Variants in NF1 observed in about 807,000 individuals in gnomAD.
NF1 encodes neurofibromin.
Under a neutral mutation model 325.7 loss-of-function variants are expected in NF1, and 122 were observed. The observed-to-expected ratio is 0.37, with a 90% confidence interval of 0.32 to 0.44. The LOEUF (loss-of-function observed/expected upper bound fraction) is 0.44. NF1 is among the 20% of genes least tolerant of loss of function. The pLI, the probability that NF1 is intolerant of heterozygous loss-of-function variation, is 1.00. For synonymous variants in NF1, 1,091 were observed against 1,186.0 expected, an observed-to-expected ratio of 0.92 and a Z score of 1.65; for missense variants, 2,140 against 3,415.4, an observed-to-expected ratio of 0.63 and a Z score of 9.31.
intron 36 of NF1, chr17:31,295,529 G>A: frequency 6.2e-7 from 1 of 1,614,084 alleles, no homozygotes. Flanking sequence ...AGAAGGTGTG[G>A]GATACATGTT....
rs1555615581 is a variant in NF1 at position 31,236,055 on chromosome 17, T to TTG, written c.3974+36_3974+37dup. On this transcript the variant is annotated intron_variant, in intron 29 of 57. Coordinates refer to ENST00000358273, the MANE Select transcript of NF1 (RefSeq NM_001042492.3). Reference sequence around the variant, plus strand: ...TCTTTTCACATAGAACCGCTGTTTTTTGTTTTTTTTTTTTTGTTTGTTTGT... The same window carrying TTG: ...TCTTTTCACATAGAACCGCTGTTTTTTGTGTTTTTTTTTTTTTGTTTGTTTGT... 413 of 1,152,932 alleles carry TTG rather than the reference T, an allele frequency of 3.6e-4. 1 individual carries two copies. Among genetic ancestry groups the TTG allele is most frequent in the African/African-American group, 2.9e-3 (56 of 19,020 alleles). The allele number at this position is 1,152,932 out of a possible 1,614,324, so 71.4% of individuals were successfully genotyped here.
At chr17:31,325,332 T>C (rs946346585) in intron 36 of NF1, among the ~76,000 whole-genome samples, 4 of 152,166 alleles carry the variant, frequency 2.6e-5, no homozygotes, top group Non-Finnish European at 5.9e-5. Flanking sequence ...GAAAGAAATA[T>C]CTCAAATCCC....
At position 31,095,379 on chromosome 17, in the gene NF1, C is replaced by T. The variant is rs1375725102; in HGVS notation, c.60+10C>T. 3 of 1,538,856 alleles carry T rather than the reference C, an allele frequency of 1.9e-6. No individual in the cohort carries two copies. In the South Asian group the frequency reaches 3.6e-5, roughly 18 times the overall value. ...CCGCTTCGACGAGCAGGTAACCGGC[C>T]CGTGGCGGGCGGGAGGTGGGAGCGG... On this transcript the variant is annotated intron_variant, in intron 1 of 57. Transcript: ENST00000358273.
At chr17:31,347,629 C>T (rs2070029266) in intron 48 of NF1, among the ~76,000 whole-genome samples, 1 of 148,342 alleles carries the variant, frequency 6.7e-6, no homozygotes. Flanking sequence ...TGACTGTCCC[C>T]AGTGAGTGTC....
At chr17:31,324,909 AT>A (rs1270893468) in intron 36 of NF1, among the ~76,000 whole-genome samples, 1 of 152,162 alleles carries the variant, frequency 6.6e-6, no homozygotes, top group Admixed American at 6.5e-5. Context: ...GTAAAGATTT[AT>A]TTTAACTTAC....
intron 57 of NF1, among the ~76,000 whole-genome samples, chr17:31,370,006 T>G (rs1031640534): frequency 6.7e-6 from 1 of 149,968 alleles, no homozygotes; most frequent in African/African-American, 2.4e-5. Context: ...ATTTTAATTG[T>G]TTTTTTTTAA....
chr17:31,095,613 CT>C (rs919430467), intron 1 of NF1, among the ~76,000 whole-genome samples: 59 of 152,174 alleles, frequency 3.9e-4, no homozygotes, highest in African/African-American at 1.3e-3. Context: ...GGCCTTGTCC[CT>C]GACCAGCCTC....
At chr17:31,128,942 A>G (rs1915119928) in intron 1 of NF1, among the ~76,000 whole-genome samples, 1 of 146,810 alleles carries the variant, frequency 6.8e-6, no homozygotes, top group African/African-American at 2.5e-5. Context: ...AAAAAAAAGG[A>G]ATGTTGAATA....
At chr17:31,320,975 C>T (rs2069171720) in intron 36 of NF1, 1 of 152,194 alleles carries the variant, frequency 6.6e-6, no homozygotes, top group Admixed American at 6.5e-5. Context: ...AGATAATAGG[C>T]CTGCTGTTGA....
In NF1 at chr17:31,227,219, A is replaced by G. The variant is rs1197284270; in HGVS notation, c.2253A>G (p.Gly751=). ...TGATTTGCTGTTGTATTTGCTTAGG[A>G]AGAGCAGCACTTCAGAAAAGAGTGA... The part of the protein sequence containing the change: ...FASVSNMMST[G]RAALQKRVMA... Residue 751 remains glycine (G), a splice_region_variant and synonymous_variant, in exon 19 of 58, where the codon GGA becomes GGG. Transcript: ENST00000358273. 6.2e-7 allele frequency: 1 copy of G among 1,613,614 alleles called. No homozygotes were observed. The highest frequency in any genetic ancestry group is 1.1e-5 in the South Asian group (1 of 91,072).
chr17:31,362,031 C>T (rs920293187), intron 57 of NF1, among the ~76,000 whole-genome samples: 96 of 152,118 alleles, frequency 6.3e-4, no homozygotes, highest in Admixed American at 1.5e-3. Context: ...AGTGTTTCTC[C>T]ACGTGTGATC....
intron 2 of NF1, 109 bp downstream of exon 2, chr17:31,156,235 T>C: frequency 7.8e-7 from 1 of 1,277,088 alleles, no homozygotes; most frequent in Non-Finnish European, 1.1e-6. Flanking sequence ...CTGTGGACTT[T>C]GGATATAACC....
chr17:31,373,255 A>C (rs998343091), intron 57 of NF1, among the ~76,000 whole-genome samples: 7 of 152,204 alleles, frequency 4.6e-5, no homozygotes, highest in African/African-American at 1.7e-4. Flanking sequence ...GAAGTGACAA[A>C]TTTGCTGGAA....
chr17:31,282,043 G>T (rs532167983), intron 36 of NF1, among the ~76,000 whole-genome samples: 2 of 151,266 alleles, frequency 1.3e-5, no homozygotes, highest in African/African-American at 4.9e-5. Context: ...CTGGACAATG[G>T]AGAGAGACCC....
rs770732860 is a variant in NF1 at position 31,374,569 on chromosome 17, T to C, written c.*414T>C. 16 of 339,560 alleles carry C rather than the reference T, an allele frequency of 4.7e-5. No homozygotes were observed. The highest frequency in any genetic ancestry group is 8.4e-4 in the Middle Eastern group (1 of 1,196). The allele number at this position is 339,560 out of a possible 1,614,324, so 21.0% of individuals were successfully genotyped here. The stretch of plus-strand genomic sequence containing the variant: ...TTCATCCTACAGAGTAAAGTGTTAG[T>C]CCTATTTATACATTTTTCAAGATAC... On this transcript the variant is annotated 3_prime_UTR_variant, in exon 58 of 58. Coordinates refer to ENST00000358273, the MANE Select transcript of NF1 (RefSeq NM_001042492.3).
At chr17:31,302,273 G>A (rs1446404158) in intron 36 of NF1, among the ~76,000 whole-genome samples, 1 of 152,106 alleles carries the variant, frequency 6.6e-6, no homozygotes, top group Non-Finnish European at 1.5e-5. Context: ...CAGCTAATCA[G>A]CTCCCGTTTA....
At chr17:31,181,050 G>T (rs1473911082) in intron 5 of NF1, among the ~76,000 whole-genome samples, 1 of 152,164 alleles carries the variant, frequency 6.6e-6, no homozygotes, top group Non-Finnish European at 1.5e-5. Flanking sequence ...GGATGTGAAG[G>T]ACCTCTTCAA....
chr17:31,188,813 T>G (rs1597667247), intron 8 of NF1, among the ~76,000 whole-genome samples: 1 of 152,150 alleles, frequency 6.6e-6, no homozygotes. Context: ...GCCTCCATCT[T>G]CCTCCTGTGC....
chr17:31,208,444 A>G (rs1410111940), intron 12 of NF1, among the ~76,000 whole-genome samples: 1 of 152,058 alleles, frequency 6.6e-6, no homozygotes, highest in East Asian at 1.9e-4. Flanking sequence ...GTGAGTTAAC[A>G]GTCAGATAAC....
Sources: gnomAD v4.1 joint callset for allele counts (sites outside exome capture counted in the v4.1 genomes callset) on GRCh38, gnomAD v4.1.1 for gene constraint, MANE v1.5 for transcripts, NCBI Gene and HGNC (gene_info 2026-07-23, HGNC 2026-07-21) for gene names.